SUPT3H: variants seen among roughly 807,000 people sequenced by gnomAD.
The protein encoded by SUPT3H is transcription initiation protein SPT3 homolog.
A neutral mutation model predicts 44.3 loss-of-function variants in SUPT3H; 44 were observed. The observed-to-expected ratio is 0.99, with a 90% CI of 0.78 to 1.28. The LOEUF (loss-of-function observed/expected upper bound fraction) is 1.28, where lower values mean the gene tolerates loss of function less well. Among genes scored for constraint, SUPT3H ranks in the 50% most tolerant of loss-of-function variants. The pLI is 0.00. For synonymous variants in SUPT3H, 124 were observed against 125.6 expected (o/e 0.99, Z 0.09); for missense variants, 380 against 387.1 (o/e 0.98, Z 0.15).
rs1780307172 is a variant in SUPT3H at position 44,989,512 on chromosome 6, T to TA, written c.504+14140dup. Among the ~76,000 whole-genome samples, 3 of 152,118 alleles carry TA rather than the reference T, an allele frequency of 2.0e-5. No homozygotes were observed. In the South Asian group the frequency reaches 6.2e-4, roughly 31 times the overall value. ...AGGTATCAAGATCATTTCTTTTGGA[T>TA]ATATACCCAGAAGCAGCATTGCTGG... On this transcript the variant is annotated intron_variant, in intron 6 of 10. Coordinates refer to ENST00000371459, the MANE Select transcript of SUPT3H (RefSeq NM_003599.4).
At chr6:45,108,150 T>C (rs1261577102) in intron 2 of SUPT3H, among the ~76,000 whole-genome samples, 1 of 152,170 alleles carries the variant, frequency 6.6e-6, no homozygotes, top group Non-Finnish European at 1.5e-5. Flanking sequence ...AACACAATAC[T>C]GTAAATTCCA....
At chr6:44,823,585 AG>A (rs1241298783), downstream of SUPT3H, among the ~76,000 whole-genome samples, 1 of 152,180 alleles carries the variant, frequency 6.6e-6, no homozygotes, top group Non-Finnish European at 1.5e-5. Context: ...TGCCACAGGT[AG>A]TTTTGCATCT....
intron 2 of SUPT3H, among the ~76,000 whole-genome samples, chr6:45,342,541 AAGCCACGACACCC>A (rs1317382674): frequency 3.3e-5 from 5 of 152,106 alleles, no homozygotes; most frequent in Admixed American, 2.6e-4. Context: ...TTACACGCAT[AAGCCACGACACCC>A]AGCCCTACAA....
At chr6:45,032,871 C>T (rs780035764) in intron 3 of SUPT3H, among the ~76,000 whole-genome samples, 3 of 152,124 alleles carry the variant, frequency 2.0e-5, no homozygotes, top group Non-Finnish European at 2.9e-5. Context: ...GATGCAAACT[C>T]TCCATTAATG....
chr6:45,308,150 T>C lies in SUPT3H; in HGVS notation c.101+57051A>G, dbSNP rs189167462. 2.6e-5 allele frequency among the ~76,000 whole-genome samples: 4 copies of C among 152,204 alleles called. No homozygotes were observed. In the East Asian group the frequency reaches 7.7e-4, roughly 29 times the overall value. Reference sequence around the variant, plus strand: ...TACACCTGATTGGTGTACCTGAAAGTGACAGGGAGAATGGAACCAAGTTGG... The same window carrying C: ...TACACCTGATTGGTGTACCTGAAAGCGACAGGGAGAATGGAACCAAGTTGG... On this transcript the variant is annotated intron_variant, in intron 2 of 10. Transcript: ENST00000371459.
At chr6:45,071,084 T>C (rs986210212) in intron 3 of SUPT3H, among the ~76,000 whole-genome samples, 2 of 152,178 alleles carry the variant, frequency 1.3e-5, no homozygotes, top group African/African-American at 2.4e-5. Context: ...TTTACCTTTT[T>C]TGGAGAATGT....
intron 2 of SUPT3H, among the ~76,000 whole-genome samples, chr6:45,310,667 C>A (rs1479438243): frequency 6.6e-6 from 1 of 152,194 alleles, no homozygotes; most frequent in African/African-American, 2.4e-5. Context: ...TGGCTAGACC[C>A]AGAAGAGAGA....
Position 44,985,205 on chromosome 6 carries a change from A to G in SUPT3H, c.504+18448T>C, listed in dbSNP as rs376852510. Among the ~76,000 whole-genome samples, 23 of 26,406 alleles carry G rather than the reference A, an allele frequency of 8.7e-4. 1 individual carries two copies. Among genetic ancestry groups the G allele is most frequent in the South Asian group, 2.1e-3 (1 of 466 alleles). The allele number at this position is 26,406 out of a possible 152,430, so 17.3% of individuals were successfully genotyped here. A position where few individuals can be genotyped will look rare whatever the true frequency, so the allele number is the denominator to read the frequency against. On this transcript the variant is annotated intron_variant, in intron 6 of 10. Transcript: ENST00000371459. ...TAAATAAATAAATAAATAAATAAAT[A>G]AATAAATAAATAAAATAAAATAAAA...
At chr6:44,819,130 A>C (rs1276792565) in intron 11 of SUPT3H, among the ~76,000 whole-genome samples, 1 of 152,226 alleles carries the variant, frequency 6.6e-6, no homozygotes, top group Non-Finnish European at 1.5e-5. Context: ...ATGGAATATT[A>C]CTCAGCAATA....
At chr6:45,265,020 G>A (rs1163326723) in intron 2 of SUPT3H, among the ~76,000 whole-genome samples, 1 of 152,116 alleles carries the variant, frequency 6.6e-6, no homozygotes, top group African/African-American at 2.4e-5. Flanking sequence ...AAGTATTGGA[G>A]TGAGAAGACA....
At chr6:44,879,449 C>T (rs544478152) in intron 10 of SUPT3H, among the ~76,000 whole-genome samples, 1 of 152,298 alleles carries the variant, frequency 6.6e-6, no homozygotes, top group East Asian at 1.9e-4. Flanking sequence ...GATAAAGCTC[C>T]CATCTTCCTG....
chr6:45,076,216 A>C (rs1045268603), intron 3 of SUPT3H, among the ~76,000 whole-genome samples: 4 of 152,188 alleles, frequency 2.6e-5, no homozygotes, highest in African/African-American at 9.6e-5. Context: ...GAAACATTTA[A>C]GTTGTGTTAA....
chr6:45,123,334 A>C (rs901580198), intron 2 of SUPT3H, among the ~76,000 whole-genome samples: 10 of 151,760 alleles, frequency 6.6e-5, no homozygotes, highest in African/African-American at 2.2e-4. Flanking sequence ...AAAAATCATC[A>C]ATTTTTTTAA....
At chr6:44,888,635 T>A (rs749269706) in intron 10 of SUPT3H, among the ~76,000 whole-genome samples, 4 of 152,082 alleles carry the variant, frequency 2.6e-5, no homozygotes, top group Non-Finnish European at 5.9e-5. Context: ...AAGAGCTATC[T>A]ATGACAAACC....
intron 2 of SUPT3H, among the ~76,000 whole-genome samples, chr6:45,294,116 A>G (rs563575833): frequency 6.6e-6 from 1 of 152,316 alleles, no homozygotes; most frequent in East Asian, 1.9e-4. Flanking sequence ...AATCCACAAT[A>G]TATCAAAAAG....
At chr6:45,288,745 C>T (rs3923353) in intron 2 of SUPT3H, among the ~76,000 whole-genome samples, 4 of 150,618 alleles carry the variant, frequency 2.7e-5, no homozygotes, top group Admixed American at 2.6e-4. Context: ...AAATATTCAC[C>T]GTTTGATAAA....
intron 9 of SUPT3H, among the ~76,000 whole-genome samples, chr6:44,947,302 T>C (rs1042849831): frequency 3.3e-5 from 5 of 152,090 alleles, no homozygotes; most frequent in South Asian, 2.1e-4. Context: ...AACATACAAA[T>C]ATATTGAAAG....
chr6:45,317,406 A>G (rs558190490), intron 2 of SUPT3H, among the ~76,000 whole-genome samples: 1 of 152,188 alleles, frequency 6.6e-6, no homozygotes, highest in African/African-American at 2.4e-5. Context: ...TTGAGCAAAA[A>G]GCAAATCCAG....
chr6:45,287,293 T>C (rs928062244), intron 2 of SUPT3H, among the ~76,000 whole-genome samples: 3 of 152,106 alleles, frequency 2.0e-5, no homozygotes, highest in South Asian at 2.1e-4. Context: ...CATGAGTGAA[T>C]GGCTGATATC....
Sources: gnomAD v4.1 joint callset for allele counts (sites outside exome capture counted in the v4.1 genomes callset) on GRCh38, gnomAD v4.1.1 for gene constraint, MANE v1.5 for transcripts, NCBI Gene and HGNC (gene_info 2026-07-23, HGNC 2026-07-21) for gene names.